UBAC2: variants seen among roughly 807,000 people sequenced by gnomAD.
The protein encoded by UBAC2 is UBA domain containing 2, also known as ubiquitin-associated domain-containing protein 2.
In UBAC2, 26 loss-of-function variants were observed where a neutral mutation model predicts 44.0. That is an observed-to-expected ratio of 0.59 (90% confidence interval 0.43 to 0.82). The LOEUF is 0.82. Ranked by LOEUF, UBAC2 falls within the 40% of genes least tolerant of loss-of-function variation. UBAC2 has a pLI of 0.00. For synonymous variants in UBAC2, 155 were observed against 154.3 expected (o/e 1.00, Z -0.04); for missense variants, 329 against 419.4 (o/e 0.78, Z 1.88).
At chr13:99,261,987 T>C (rs1007964604) in intron 4 of UBAC2, among the ~76,000 whole-genome samples, 3 of 152,156 alleles carry the variant, frequency 2.0e-5, no homozygotes, top group African/African-American at 7.2e-5. Flanking sequence ...AATAAACAAT[T>C]CATAAGTTTT....
chr13:99,309,434 A>C (rs2044382857), intron 4 of UBAC2, among the ~76,000 whole-genome samples: 1 of 151,952 alleles, frequency 6.6e-6, no homozygotes, highest in Non-Finnish European at 1.5e-5. Flanking sequence ...CAGAGTAGTC[A>C]GGCAGATGAA....
intron 6 of UBAC2, among the ~76,000 whole-genome samples, chr13:99,327,001 AT>A (rs766040826): frequency 1.3e-5 from 2 of 152,030 alleles, no homozygotes; most frequent in Non-Finnish European, 2.9e-5. Flanking sequence ...GCCAAGGAAA[AT>A]TTTTTCTCAT....
chr13:99,301,776 G>C (rs2044260886), intron 4 of UBAC2, among the ~76,000 whole-genome samples: 1 of 152,208 alleles, frequency 6.6e-6, no homozygotes, highest in African/African-American at 2.4e-5. Context: ...ACTCGTTCAA[G>C]TAATTAAAGT....
chr13:99,274,062 C>T (rs956566148), intron 4 of UBAC2, among the ~76,000 whole-genome samples: 3 of 152,124 alleles, frequency 2.0e-5, no homozygotes, highest in African/African-American at 7.2e-5. Context: ...AGTTGAAGAA[C>T]AGAATGTGAC....
At chr13:99,266,505 A>T (rs2043746035) in intron 4 of UBAC2, among the ~76,000 whole-genome samples, 1 of 152,208 alleles carries the variant, frequency 6.6e-6, no homozygotes, top group Non-Finnish European at 1.5e-5. Flanking sequence ...TTTGGCTTGT[A>T]GACCATTTCT....
chr13:99,340,765 G>A (rs543884157), intron 7 of UBAC2, among the ~76,000 whole-genome samples, 200 bp downstream of exon 7: 2 of 152,308 alleles, frequency 1.3e-5, no homozygotes, highest in East Asian at 3.9e-4. Context: ...AATTGCAGCT[G>A]AAAGATTGGT....
intron 1 of UBAC2, among the ~76,000 whole-genome samples, chr13:99,202,676 CTG>C (rs1445215082): frequency 1.3e-5 from 2 of 152,200 alleles, no homozygotes; most frequent in Admixed American, 6.5e-5. Context: ...AGGAACCAAA[CTG>C]TTGCCCAGGG....
intron 1 of UBAC2, among the ~76,000 whole-genome samples, chr13:99,211,152 T>C (rs1335822362): frequency 6.6e-6 from 1 of 152,244 alleles, no homozygotes; most frequent in South Asian, 2.1e-4. Context: ...ATTGCTTTTC[T>C]TAAGTTATTA....
intron 1 of UBAC2, among the ~76,000 whole-genome samples, chr13:99,212,858 T>C (rs2142659460): frequency 6.6e-6 from 1 of 152,366 alleles, no homozygotes; most frequent in South Asian, 2.1e-4. Flanking sequence ...CTCCATGTCA[T>C]TAAGTAATCT....
At chr13:99,208,379 T>C (rs1360674671) in intron 1 of UBAC2, among the ~76,000 whole-genome samples, 1 of 152,232 alleles carries the variant, frequency 6.6e-6, no homozygotes, top group East Asian at 1.9e-4. Context: ...TTACCCTTTA[T>C]GCTTTAATTA....
intron 4 of UBAC2, among the ~76,000 whole-genome samples, chr13:99,257,085 TTTCCC>T (rs913069224): frequency 5.3e-5 from 8 of 152,260 alleles, no homozygotes; most frequent in Non-Finnish European, 7.4e-5. Flanking sequence ...CCTTCCTTCC[TTTCCC>T]TTCCCTTCCC....
intron 4 of UBAC2, among the ~76,000 whole-genome samples, chr13:99,245,182 A>T (rs1009623202): frequency 3.3e-5 from 5 of 152,142 alleles, no homozygotes; most frequent in African/African-American, 1.2e-4. Flanking sequence ...ATTTTAAGTG[A>T]ATTTCCTATT....
intron 7 of UBAC2, among the ~76,000 whole-genome samples, chr13:99,340,912 A>AC (rs1300953042): frequency 3.9e-5 from 6 of 152,192 alleles, no homozygotes; most frequent in Non-Finnish European, 7.4e-5. Context: ...TTAAAATGCT[A>AC]ATCATATGCT....
At chr13:99,345,457 A>G (rs187739611) in intron 7 of UBAC2, among the ~76,000 whole-genome samples, 1 of 150,844 alleles carries the variant, frequency 6.6e-6, no homozygotes, top group Admixed American at 6.6e-5. Context: ...CTGATGCTGT[A>G]CTCTGGATCG....
intron 8 of UBAC2, among the ~76,000 whole-genome samples, chr13:99,368,512 G>T (rs1403901408): frequency 6.6e-6 from 1 of 152,132 alleles, no homozygotes; most frequent in Non-Finnish European, 1.5e-5. Flanking sequence ...TTTTCATAAA[G>T]GTATGAGTAT....
chr13:99,366,747 A>G (rs1314389329), intron 7 of UBAC2, among the ~76,000 whole-genome samples: 12 of 152,190 alleles, frequency 7.9e-5, no homozygotes, highest in Non-Finnish European at 1.5e-5. Context: ...CCGAACTCAA[A>G]CAGTGATAGA....
At chr13:99,318,874 G>T (rs1453661951) in intron 6 of UBAC2, among the ~76,000 whole-genome samples, 1 of 149,920 alleles carries the variant, frequency 6.7e-6, no homozygotes, top group Non-Finnish European at 1.5e-5. Context: ...GACAAAGGAG[G>T]CCAGTTTGTG....
intron 4 of UBAC2, among the ~76,000 whole-genome samples, chr13:99,297,894 A>C (rs935456023): frequency 6.6e-6 from 1 of 152,156 alleles, no homozygotes; most frequent in African/African-American, 2.4e-5. Flanking sequence ...AGGCAAGAGA[A>C]AATACATACC....
intron 1 of UBAC2, among the ~76,000 whole-genome samples, chr13:99,227,046 A>C (rs2043117735): frequency 6.6e-6 from 1 of 152,060 alleles, no homozygotes; most frequent in African/African-American, 2.4e-5. Flanking sequence ...TAAAAATACA[A>C]AATTAGCCAG....
Sources: gnomAD v4.1 joint callset for allele counts (sites outside exome capture counted in the v4.1 genomes callset) on GRCh38, gnomAD v4.1.1 for gene constraint, MANE v1.5 for transcripts, NCBI Gene and HGNC (gene_info 2026-07-23, HGNC 2026-07-21) for gene names.